The following FHIT variants were observed in gnomAD, a reference collection of about 807,000 sequenced individuals.
FHIT encodes bis(5'-adenosyl)-triphosphatase.
FHIT carries 19 observed loss-of-function variants against 17.9 expected under a neutral mutation model. The ratio of observed to expected loss-of-function variants is 1.06; its 90% CI spans 0.74 to 1.56. The LOEUF (loss-of-function observed/expected upper bound fraction) is 1.56, where lower values mean the gene tolerates loss of function less well. Ranked by LOEUF, FHIT falls within the 40% of genes most tolerant of loss-of-function variation. FHIT has a pLI of 0.00. For missense variants in FHIT, 248 were observed against 189.2 expected, an observed-to-expected ratio of 1.31 and a Z score of -1.82; for synonymous variants, 81 against 69.7, an observed-to-expected ratio of 1.16 and a Z score of -0.81.
intron 8 of FHIT, among the ~76,000 whole-genome samples, chr3:59,892,097 T>G (rs938543668): frequency 7.9e-5 from 12 of 152,350 alleles, no homozygotes; most frequent in Non-Finnish European, 1.5e-4. Context: ...ATCCTTGACT[T>G]ACCTAAAGGC....
intron 5 of FHIT, among the ~76,000 whole-genome samples, chr3:60,076,489 A>G (rs1703013109): frequency 8.1e-6 from 1 of 123,372 alleles, no homozygotes; most frequent in Admixed American, 7.4e-5. Flanking sequence ...CTGTGGGGTA[A>G]TATGGCCAAA....
At chr3:60,407,005 C>G (rs1701885530) in intron 5 of FHIT, among the ~76,000 whole-genome samples, 1 of 150,322 alleles carries the variant, frequency 6.7e-6, no homozygotes, top group South Asian at 2.1e-4. Context: ...TCTGTCAATT[C>G]TCAAGTCTCA....
intron 2 of FHIT, among the ~76,000 whole-genome samples, chr3:61,149,833 T>C (rs770926164): frequency 2.4e-4 from 36 of 152,176 alleles, no homozygotes; most frequent in Non-Finnish European, 4.6e-4. Flanking sequence ...TGGGCCATGA[T>C]TGTGCCACTG....
At chr3:60,374,214 G>A (rs1187985111) in intron 5 of FHIT, among the ~76,000 whole-genome samples, 1 of 152,064 alleles carries the variant, frequency 6.6e-6, no homozygotes, top group Non-Finnish European at 1.5e-5. Context: ...AGAATTAATA[G>A]TTTAATTATA....
At chr3:60,131,464 C>T (rs1699593526) in intron 5 of FHIT, among the ~76,000 whole-genome samples, 1 of 152,086 alleles carries the variant, frequency 6.6e-6, no homozygotes, top group Non-Finnish European at 1.5e-5. Flanking sequence ...TATAATCTCA[C>T]ACTTTCAAGT....
At chr3:60,051,656 T>C (rs1204458142) in intron 5 of FHIT, among the ~76,000 whole-genome samples, 6 of 152,166 alleles carry the variant, frequency 3.9e-5, no homozygotes, top group African/African-American at 1.4e-4. Flanking sequence ...AGTGCATTAA[T>C]GATTCTATAT....
intron 4 of FHIT, among the ~76,000 whole-genome samples, chr3:60,647,196 C>T (rs558762000): frequency 6.6e-6 from 1 of 152,238 alleles, no homozygotes; most frequent in Admixed American, 6.5e-5. Context: ...CTTGCTTTAG[C>T]GTGAGGCAGA....
intron 5 of FHIT, among the ~76,000 whole-genome samples, chr3:60,483,038 A>G (rs572459): frequency 0.047 from 7,132 of 152,260 alleles, 218 homozygotes; most frequent in Middle Eastern, 0.11. Flanking sequence ...CCATAAGTGA[A>G]TACTATAAAC....
chr3:60,350,854 C>T (rs540662410), intron 5 of FHIT, among the ~76,000 whole-genome samples: 2 of 152,304 alleles, frequency 1.3e-5, no homozygotes, highest in African/African-American at 4.8e-5. Context: ...TAGAATGTTA[C>T]TGCTATGATT....
rs80337919 is a variant in FHIT at position 60,020,049 on chromosome 3, G to A, written c.104-5897C>T. Among the ~76,000 whole-genome samples the A allele has an allele frequency of 7.9e-3, 1,201 of 152,250 alleles. 16 individuals are homozygous for A. Among genetic ancestry groups the A allele is most frequent in the African/African-American group, 0.027 (1,115 of 41,542 alleles). ...AATGGGCACGCGACATGAGATGCATGTGCCATTTCTGTGGCCTCCCACACT... is the reference window on the plus strand; with the variant it reads ...AATGGGCACGCGACATGAGATGCATATGCCATTTCTGTGGCCTCCCACACT... On this transcript the variant is annotated intron_variant, in intron 5 of 9. Coordinates refer to ENST00000492590, the MANE Select transcript of FHIT (RefSeq NM_002012.4).
At chr3:60,086,447 C>G (rs545291910) in intron 5 of FHIT, among the ~76,000 whole-genome samples, 12 of 152,294 alleles carry the variant, frequency 7.9e-5, no homozygotes, top group Non-Finnish European at 7.4e-5. Flanking sequence ...AGTCTTAACT[C>G]ATTTCAAAAT....
chr3:59,856,138 T>G (rs180947158), intron 8 of FHIT, among the ~76,000 whole-genome samples: 76 of 152,276 alleles, frequency 5.0e-4, no homozygotes, highest in African/African-American at 1.7e-3. Context: ...AATGAAAAAG[T>G]GAATATTTAT....
At chr3:60,237,716 T>C (rs564140540) in intron 5 of FHIT, among the ~76,000 whole-genome samples, 3 of 152,310 alleles carry the variant, frequency 2.0e-5, no homozygotes, top group African/African-American at 7.2e-5. Flanking sequence ...TATTGCTTCT[T>C]GGTGCCTAAT....
At chr3:60,290,906 C>G (rs1366739413) in intron 5 of FHIT, among the ~76,000 whole-genome samples, 2 of 152,112 alleles carry the variant, frequency 1.3e-5, no homozygotes, top group Non-Finnish European at 2.9e-5. Flanking sequence ...CAGTCTGATC[C>G]AGGCAGCTCA....
At chr3:59,956,978 G>A (rs9839754) in intron 7 of FHIT, among the ~76,000 whole-genome samples, 4,015 of 152,232 alleles carry the variant, frequency 0.026, 200 homozygotes, top group African/African-American at 0.092. Context: ...TTGATTTTGA[G>A]ACTTATTGTC....
At position 61,118,315 on chromosome 3, in the gene FHIT, C is replaced by T. The variant is rs955333812; in HGVS notation, c.-163-76216G>A. Among the ~76,000 whole-genome samples, 8 of 152,244 alleles carry T rather than the reference C, an allele frequency of 5.3e-5. No individual in the cohort carries two copies. In the South Asian group the frequency reaches 1.0e-3, roughly 20 times the overall value. On this transcript the variant is annotated intron_variant, in intron 2 of 9. Transcript: ENST00000492590. ...TGGTTATCTCTATTTCCTGAAGATT[C>T]CCAGAGTAGTTGGCCTCAGTGGACA... is the stretch of plus-strand genomic sequence containing the variant.
chr3:60,688,901 T>C (rs1258387535), intron 4 of FHIT, among the ~76,000 whole-genome samples: 1 of 152,204 alleles, frequency 6.6e-6, no homozygotes, highest in Non-Finnish European at 1.5e-5. Flanking sequence ...GTCTGTGGGT[T>C]CCACATCTGT....
chr3:60,273,872 A>C (rs1706989242), intron 5 of FHIT, among the ~76,000 whole-genome samples: 1 of 152,220 alleles, frequency 6.6e-6, no homozygotes, highest in Admixed American at 6.5e-5. Context: ...AGAAAAAGTA[A>C]TGTTCTGAAA....
chr3:60,879,929 G>A (rs1479401952), intron 3 of FHIT, among the ~76,000 whole-genome samples: 1 of 150,992 alleles, frequency 6.6e-6, no homozygotes, highest in Non-Finnish European at 1.5e-5. Context: ...TCATATTATG[G>A]CAGTTCCAGA....
Sources: allele counts gnomAD v4.1 joint callset (sites outside exome capture counted in the v4.1 genomes callset), GRCh38; gene constraint gnomAD v4.1.1; transcripts MANE v1.5; gene names NCBI Gene and HGNC (gene_info 2026-07-23, HGNC 2026-07-21).